Variants in PARD3B observed in about 807,000 individuals in gnomAD.
The protein encoded by PARD3B is par-3 family cell polarity regulator beta.
A neutral mutation model predicts 130.2 loss-of-function variants in PARD3B; 103 were observed. The ratio of observed to expected loss-of-function variants is 0.79; its 90% CI spans 0.67 to 0.93. PARD3B has a LOEUF of 0.93. PARD3B is among the 40% of genes least tolerant of loss of function. The probability of loss-of-function intolerance (pLI) is 0.00; values close to 1 mark genes in which losing one functional copy is unlikely to be tolerated. For missense variants in PARD3B, 1,609 were observed against 1,499.2 expected, an observed-to-expected ratio of 1.07 and a Z score of -1.21; for synonymous variants, 583 against 553.2, an observed-to-expected ratio of 1.05 and a Z score of -0.76.
intron 20 of PARD3B, among the ~76,000 whole-genome samples, chr2:205,451,278 A>G (rs1228936810): frequency 6.6e-6 from 1 of 152,234 alleles, no homozygotes. Flanking sequence ...AGTCAAGTTC[A>G]TCCCTTTGAA....
chr2:204,741,278 T>C (rs2039998369), intron 2 of PARD3B, among the ~76,000 whole-genome samples: 1 of 152,212 alleles, frequency 6.6e-6, no homozygotes, highest in African/African-American at 2.4e-5. Flanking sequence ...ATATTTGCCT[T>C]GTTCCTGGCT....
intron 2 of PARD3B, among the ~76,000 whole-genome samples, chr2:204,841,645 T>C (rs1178623968): frequency 3.3e-5 from 5 of 152,148 alleles, no homozygotes; most frequent in East Asian, 1.9e-4. Context: ...GGCTTTCTTT[T>C]GTTTTGCGAT....
intron 18 of PARD3B, among the ~76,000 whole-genome samples, chr2:205,305,200 G>T (rs1190436388): frequency 1.3e-5 from 2 of 152,100 alleles, no homozygotes; most frequent in Non-Finnish European, 2.9e-5. Flanking sequence ...TATCATTCCA[G>T]CTCATGTCAC....
intron 15 of PARD3B, among the ~76,000 whole-genome samples, chr2:205,226,091 G>C: frequency 6.6e-6 from 1 of 152,220 alleles, no homozygotes; most frequent in East Asian, 1.9e-4. Flanking sequence ...ACCCAGGCCA[G>C]AGTGCAGTGG....
intron 2 of PARD3B, among the ~76,000 whole-genome samples, chr2:204,747,217 C>T (rs1378075463): frequency 6.6e-6 from 1 of 152,102 alleles, no homozygotes; most frequent in Non-Finnish European, 1.5e-5. Flanking sequence ...TTTCCCAGCA[C>T]CATTTATTAA....
chr2:204,547,077 C>T (rs760356471), intron 1 of PARD3B, among the ~76,000 whole-genome samples: 2 of 152,168 alleles, frequency 1.3e-5, no homozygotes, highest in Non-Finnish European at 2.9e-5. Context: ...CAATGGTTCT[C>T]TTAATATTTG....
chr2:205,072,157 TATG>T (rs932715235), intron 4 of PARD3B, among the ~76,000 whole-genome samples: 2 of 152,116 alleles, frequency 1.3e-5, no homozygotes, highest in Non-Finnish European at 1.5e-5. Flanking sequence ...CATTAAATAA[TATG>T]ATCAAAAATT....
chr2:205,575,115 G>GCA lies in PARD3B; in HGVS notation c.3260+21713_3260+21714insAC, dbSNP rs1348077937. 1.4e-4 allele frequency among the ~76,000 whole-genome samples: 10 copies of GCA among 71,764 alleles called. No individual in the cohort carries two copies. Among genetic ancestry groups the GCA allele is most frequent in the Non-Finnish European group, 2.9e-4 (9 of 30,608 alleles). The allele number at this position is 71,764 out of a possible 152,430, so 47.1% of individuals were successfully genotyped here. A position where few individuals can be genotyped will look rare whatever the true frequency, so the allele number is the denominator to read the frequency against. On this transcript the variant is annotated intron_variant, in intron 22 of 22. Coordinates refer to ENST00000406610, the MANE Select transcript of PARD3B (RefSeq NM_001302769.2). The surrounding 1 kb of genome is among the most constrained non-coding windows in gnomAD (Gnocchi z 4.6). ...CACACACACACACACACACACACACGCGTACACTATATATAAAAATATATT... is the reference window on the plus strand; with the variant it reads ...CACACACACACACACACACACACACGCACGTACACTATATATAAAAATATATT...
At chr2:205,221,285 G>C (rs1038282664) in intron 15 of PARD3B, among the ~76,000 whole-genome samples, 2 of 152,186 alleles carry the variant, frequency 1.3e-5, no homozygotes, top group Non-Finnish European at 2.9e-5. Flanking sequence ...GGACTACCTT[G>C]CTCCTTTTAC....
chr2:205,099,016 C>G (rs1452170523), intron 4 of PARD3B, among the ~76,000 whole-genome samples: 2 of 152,100 alleles, frequency 1.3e-5, no homozygotes, highest in Non-Finnish European at 2.9e-5. Flanking sequence ...TGTCTGTTCC[C>G]TGCTCTGATG....
intron 1 of PARD3B, among the ~76,000 whole-genome samples, chr2:204,596,356 C>T (rs2033289192): frequency 6.6e-6 from 1 of 151,986 alleles, no homozygotes; most frequent in African/African-American, 2.4e-5. Context: ...TATTTTGTTC[C>T]TATTTGTTTT....
intron 1 of PARD3B, among the ~76,000 whole-genome samples, chr2:204,557,106 T>C (rs2030979646): frequency 6.6e-6 from 1 of 152,076 alleles, no homozygotes; most frequent in East Asian, 1.9e-4. Context: ...TGCCATCTTC[T>C]TGTATGTTGG....
rs1056533239 is a variant in PARD3B at position 205,585,266 on chromosome 2, C to T, written c.3261-30190C>T. On this transcript the variant is annotated intron_variant, in intron 22 of 22. Coordinates refer to ENST00000406610, the MANE Select transcript of PARD3B (RefSeq NM_001302769.2). The surrounding 1 kb of genome is among the most constrained non-coding windows in gnomAD (Gnocchi z 5.4). ...CCCTATCCCACAAAGTAAATGCTGT[C>T]TTGGGCTTTTAAGTGAATTGGGGCT... Among the ~76,000 whole-genome samples, 3 of 152,136 alleles carry T rather than the reference C, an allele frequency of 2.0e-5. No individual in the cohort carries two copies. Among genetic ancestry groups the T allele is most frequent in the Non-Finnish European group, 4.4e-5 (3 of 68,022 alleles).
chr2:205,159,902 C>G (rs1478843609), intron 11 of PARD3B, among the ~76,000 whole-genome samples: 1 of 152,204 alleles, frequency 6.6e-6, no homozygotes, highest in Non-Finnish European at 1.5e-5. Context: ...AAGTGCTTAG[C>G]ACAGTGCCTG....
intron 18 of PARD3B, among the ~76,000 whole-genome samples, chr2:205,349,910 G>A (rs1299681451): frequency 1.4e-5 from 2 of 147,744 alleles, no homozygotes; most frequent in African/African-American, 2.5e-5. Flanking sequence ...AGACTTCCCT[G>A]AGTTCTATAA....
At chr2:204,960,966 A>G (rs1690696550) in intron 2 of PARD3B, among the ~76,000 whole-genome samples, 1 of 152,192 alleles carries the variant, frequency 6.6e-6, no homozygotes, top group Non-Finnish European at 1.5e-5. Flanking sequence ...TGCCTGGTGG[A>G]AGACTGTTTC....
At chr2:204,836,622 C>G (rs1276329323) in intron 2 of PARD3B, among the ~76,000 whole-genome samples, 3 of 152,172 alleles carry the variant, frequency 2.0e-5, no homozygotes, top group Non-Finnish European at 4.4e-5. Flanking sequence ...GATCGTGCCA[C>G]TGCACTCCAG....
At chr2:204,929,275 T>C (rs947352745) in intron 2 of PARD3B, among the ~76,000 whole-genome samples, 33 of 152,186 alleles carry the variant, frequency 2.2e-4, no homozygotes, top group Non-Finnish European at 7.3e-5. Context: ...TCACTGCTAG[T>C]TGAATAATCT....
chr2:204,691,537 C>A (rs916482297), intron 2 of PARD3B, among the ~76,000 whole-genome samples: 1 of 151,756 alleles, frequency 6.6e-6, no homozygotes. Context: ...GGGCAAGCTT[C>A]TTCATCTCTC....
Sources: gnomAD v4.1 joint callset for allele counts (sites outside exome capture counted in the v4.1 genomes callset) on GRCh38, gnomAD v4.1.1 for gene constraint, Gnocchi (gnomAD v3.1) non-coding constraint, MANE v1.5 for transcripts, NCBI Gene and HGNC (gene_info 2026-07-23, HGNC 2026-07-21) for gene names.